The following LEF1 variants were observed in gnomAD, a reference collection of about 807,000 sequenced individuals.
LEF1 encodes lymphoid enhancer-binding factor 1.
Under a neutral mutation model 51.2 loss-of-function variants are expected in LEF1, and 14 were observed. The observed-to-expected ratio is 0.27, with a 90% CI of 0.18 to 0.43. The LOEUF (loss-of-function observed/expected upper bound fraction) is 0.43, where lower values mean the gene tolerates loss of function less well. Among genes scored for constraint, LEF1 ranks in the 20% least tolerant of loss-of-function variants. The probability of loss-of-function intolerance (pLI) is 1.00; values close to 1 mark genes in which losing one functional copy is unlikely to be tolerated. For missense variants in LEF1, 386 were observed against 512.0 expected (o/e 0.75, Z 2.37); for synonymous variants, 185 against 183.2 (o/e 1.01, Z -0.08).
chr4:108,118,285 A>G (rs1045046389), intron 3 of LEF1, among the ~76,000 whole-genome samples: 1 of 152,234 alleles, frequency 6.6e-6, no homozygotes, highest in African/African-American at 2.4e-5. Context: ...TCATGCTTTC[A>G]TCTCTAGTCA....
At chr4:108,109,665 T>C (rs927732421) in intron 3 of LEF1, among the ~76,000 whole-genome samples, 3 of 152,242 alleles carry the variant, frequency 2.0e-5, no homozygotes, top group Non-Finnish European at 4.4e-5. Context: ...AGGCACTAGA[T>C]ATTACCACTC....
At chr4:108,118,427 G>A (rs1741969325) in intron 3 of LEF1, among the ~76,000 whole-genome samples, 1 of 152,188 alleles carries the variant, frequency 6.6e-6, no homozygotes, top group Non-Finnish European at 1.5e-5. Flanking sequence ...TAGGCTTAAT[G>A]CGAACTGTGA....
chr4:108,109,934 C>T (rs1741418293), intron 3 of LEF1, among the ~76,000 whole-genome samples: 1 of 152,126 alleles, frequency 6.6e-6, no homozygotes, highest in East Asian at 1.9e-4. Context: ...CATTAGAGAA[C>T]ACAGATTTGT....
At chr4:108,074,596 T>C (rs535226276) in intron 8 of LEF1, among the ~76,000 whole-genome samples, 7 of 152,330 alleles carry the variant, frequency 4.6e-5, no homozygotes, top group Admixed American at 1.3e-4. Flanking sequence ...ATTATCCCAG[T>C]GTAAAACGTC....
intron 3 of LEF1, among the ~76,000 whole-genome samples, chr4:108,142,225 C>T (rs1191245627): frequency 6.6e-6 from 1 of 152,154 alleles, no homozygotes; most frequent in Non-Finnish European, 1.5e-5. Context: ...CCTCCTTAGC[C>T]CTTTTTAATC....
At chr4:108,120,838 C>G (rs1578367001) in intron 3 of LEF1, among the ~76,000 whole-genome samples, 1 of 152,176 alleles carries the variant, frequency 6.6e-6, no homozygotes, top group African/African-American at 2.4e-5. Context: ...TTGCGGAATA[C>G]AAGATTTCCA....
chr4:108,104,749 G>A (rs1380040508), intron 3 of LEF1: 1 of 928,474 alleles, frequency 1.1e-6, no homozygotes, highest in Admixed American at 6.2e-5. Flanking sequence ...CAAAAGGGCT[G>A]TTATTAGTTT....
chr4:108,141,305 G>A (rs568707621), intron 3 of LEF1, among the ~76,000 whole-genome samples: 7 of 152,258 alleles, frequency 4.6e-5, no homozygotes, highest in African/African-American at 1.7e-4. Context: ...GGTTACATAT[G>A]CAAACATTAT....
intron 3 of LEF1, among the ~76,000 whole-genome samples, chr4:108,124,138 A>T (rs552535195): frequency 7.9e-5 from 12 of 152,246 alleles, no homozygotes; most frequent in African/African-American, 2.6e-4. Flanking sequence ...ACTCTACCTT[A>T]AAAAATTAAA....
intron 8 of LEF1, among the ~76,000 whole-genome samples, chr4:108,071,377 T>C (rs1445730437): frequency 6.6e-6 from 1 of 152,160 alleles, no homozygotes; most frequent in South Asian, 2.1e-4. Flanking sequence ...ACAACACTGA[T>C]GACACTGTCC....
At chr4:108,149,665 A>ACATATATG (rs1744246036) in intron 3 of LEF1, among the ~76,000 whole-genome samples, 1 of 150,742 alleles carries the variant, frequency 6.6e-6, no homozygotes, top group African/African-American at 2.4e-5. Context: ...ATATATATAT[A>ACATATATG]TAACTGGATA....
chr4:108,167,423 C>T lies in LEF1; in HGVS notation c.213+132G>A. The stretch of plus-strand genomic sequence containing the variant: ...CGGACCGGGGGCCCAGCTACGCACA[C>T]ACCCCAAAACAAACGAGGGATCTAC... On this transcript the variant is annotated intron_variant, in intron 1 of 11. Transcript: ENST00000265165. This position sits in a 1 kb window ranked among gnomAD's most constrained non-coding sequence, Gnocchi z 5.7. 1.3e-6 allele frequency: 1 copy of T among 785,410 alleles called. No homozygotes were observed. Among genetic ancestry groups the T allele is most frequent in the Non-Finnish European group, 2.1e-6 (1 of 479,958 alleles). 48.7% of individuals were successfully genotyped at this position (785,410 alleles called of 1,614,324 possible).
intron 3 of LEF1, among the ~76,000 whole-genome samples, chr4:108,127,769 G>T (rs141114682): frequency 6.6e-6 from 1 of 152,254 alleles, no homozygotes; most frequent in East Asian, 1.9e-4. Context: ...GCAACAGGGG[G>T]GTATGTAGCT....
chr4:108,055,585 T>A (rs1225272621), intron 11 of LEF1, among the ~76,000 whole-genome samples: 1 of 152,196 alleles, frequency 6.6e-6, no homozygotes, highest in Admixed American at 6.5e-5. Flanking sequence ...TTAAACAAAA[T>A]TTATCCAAAA....
intron 8 of LEF1, among the ~76,000 whole-genome samples, chr4:108,075,949 A>T (rs935936892): frequency 6.6e-6 from 1 of 152,236 alleles, no homozygotes. Context: ...ATGGTAGAAC[A>T]GCTCTGCTTC....
At chr4:108,114,981 CAGG>C (rs1366961001) in intron 3 of LEF1, among the ~76,000 whole-genome samples, 1 of 152,188 alleles carries the variant, frequency 6.6e-6, no homozygotes, top group Non-Finnish European at 1.5e-5. Flanking sequence ...TGGGATGGGA[CAGG>C]AGGAGACGAG....
chr4:108,144,331 C>T (rs1743861672), intron 3 of LEF1, among the ~76,000 whole-genome samples: 1 of 152,176 alleles, frequency 6.6e-6, no homozygotes, highest in South Asian at 2.1e-4. Context: ...AAGCTGGCCC[C>T]AGGCACATGC....
At chr4:108,157,177 T>C (rs61272757) in intron 3 of LEF1, among the ~76,000 whole-genome samples, 7,696 of 88,936 alleles carry the variant, frequency 0.087, 267 homozygotes, top group Non-Finnish European at 0.1. Flanking sequence ...TCTATATATA[T>C]ATACACACAC....
intron 8 of LEF1, among the ~76,000 whole-genome samples, chr4:108,072,473 A>G (rs1738554076): frequency 6.6e-6 from 1 of 152,232 alleles, no homozygotes. Context: ...TTCCTTTGAA[A>G]GCCCCTTAAA....
Sources: allele counts gnomAD v4.1 joint callset (sites outside exome capture counted in the v4.1 genomes callset), GRCh38; gene constraint gnomAD v4.1.1; non-coding constraint Gnocchi (gnomAD v3.1); transcripts MANE v1.5; gene names NCBI Gene and HGNC (gene_info 2026-07-23, HGNC 2026-07-21).